Variants in SPIDR observed in about 807,000 individuals in gnomAD.
SPIDR encodes the protein DNA repair-scaffolding protein.
In SPIDR, 93 loss-of-function variants were observed where a neutral mutation model predicts 104.6. The ratio of observed to expected loss-of-function variants is 0.89; its 90% CI spans 0.75 to 1.06. SPIDR has a LOEUF of 1.06. SPIDR is among the 50% of genes least tolerant of loss of function. SPIDR has a pLI of 0.00. For missense variants in SPIDR, 1,154 were observed against 1,111.2 expected, an observed-to-expected ratio of 1.04 and a Z score of -0.55; for synonymous variants, 431 against 416.9, an observed-to-expected ratio of 1.03 and a Z score of -0.41.
intron 10 of SPIDR, among the ~76,000 whole-genome samples, chr8:47,630,898 C>T (rs1284852061): frequency 1.3e-5 from 2 of 152,154 alleles, no homozygotes; most frequent in Admixed American, 6.5e-5. Flanking sequence ...AAAGTAAAAG[C>T]TACAACCATG....
chr8:47,542,840 C>T (rs1190088018), intron 8 of SPIDR, among the ~76,000 whole-genome samples: 4 of 152,170 alleles, frequency 2.6e-5, no homozygotes, highest in Non-Finnish European at 4.4e-5. Context: ...ATACTATTTT[C>T]TTCCACCCTG....
intron 5 of SPIDR, among the ~76,000 whole-genome samples, chr8:47,322,130 A>C (rs993814803): frequency 1.3e-5 from 2 of 152,224 alleles, no homozygotes; most frequent in Admixed American, 6.5e-5. Context: ...CTGCACAGCA[A>C]AAGAAACTAC....
rs2038343611 is a variant in SPIDR, at chr8:47,284,128, T to A, written c.256+34T>A. ...TTTGTTGATTTCTTGACAGAGAAGA[T>A]ATAAGACTAATAAATCCTTCTGTGA... On this transcript the variant is annotated intron_variant, in intron 3 of 19. Transcript: ENST00000297423. 7 of 1,520,238 alleles carry A rather than the reference T, an allele frequency of 4.6e-6. 1 individual carries two copies. The South Asian group carries it at 8.2e-5, about 18-fold the overall frequency. The allele number at this position is 1,520,238 out of a possible 1,614,324, so 94.2% of individuals were successfully genotyped here.
At chr8:47,488,082 G>T (rs1404664974) in intron 8 of SPIDR, among the ~76,000 whole-genome samples, 6 of 152,034 alleles carry the variant, frequency 3.9e-5, no homozygotes, top group Admixed American at 3.3e-4. Flanking sequence ...TTTTTTGAAA[G>T]GATCAACAAA....
At chr8:47,551,575 T>C (rs1472486914) in intron 8 of SPIDR, among the ~76,000 whole-genome samples, 1 of 152,222 alleles carries the variant, frequency 6.6e-6, no homozygotes, top group Non-Finnish European at 1.5e-5. Flanking sequence ...TTTATAGTAT[T>C]CTCTGATGAT....
At chr8:47,608,401 A>G (rs190657967) in intron 10 of SPIDR, among the ~76,000 whole-genome samples, 32 of 152,324 alleles carry the variant, frequency 2.1e-4, no homozygotes, top group African/African-American at 7.7e-4. Context: ...TGCTACTATG[A>G]ATATCTGCAT....
chr8:47,546,946 T>C, intron 8 of SPIDR: 1 of 486,586 alleles, frequency 2.1e-6, no homozygotes, highest in East Asian at 5.2e-5. Flanking sequence ...GGCAAAGCTG[T>C]TCCATTGGCA....
chr8:47,721,643 T>C (rs1420874746), intron 16 of SPIDR, among the ~76,000 whole-genome samples: 1 of 151,966 alleles, frequency 6.6e-6, no homozygotes, highest in African/African-American at 2.4e-5. Flanking sequence ...GGCTAATTTT[T>C]TTTTTGTATT....
chr8:47,302,870 C>T (rs1331066596), intron 5 of SPIDR, among the ~76,000 whole-genome samples: 1 of 152,218 alleles, frequency 6.6e-6, no homozygotes, highest in Non-Finnish European at 1.5e-5. Context: ...GGGGGTCCCT[C>T]CCAGTTAGGC....
At chr8:47,360,295 T>A (rs941531951) in intron 5 of SPIDR, among the ~76,000 whole-genome samples, 3 of 140,870 alleles carry the variant, frequency 2.1e-5, no homozygotes, top group African/African-American at 7.8e-5. Flanking sequence ...TGCCTTTCCC[T>A]GGAGAGAGGC....
intron 8 of SPIDR, among the ~76,000 whole-genome samples, chr8:47,582,220 C>CAAAA (rs5891245): frequency 1.4e-5 from 2 of 142,704 alleles, no homozygotes; most frequent in East Asian, 2.0e-4. Flanking sequence ...GACTCCATCT[C>CAAAA]AAAAAAAAAA....
chr8:47,553,975 G>A (rs957842871), intron 8 of SPIDR, among the ~76,000 whole-genome samples: 2 of 152,158 alleles, frequency 1.3e-5, no homozygotes, highest in East Asian at 1.9e-4. Context: ...CAACAATCAG[G>A]ACCCTCAGCT....
intron 5 of SPIDR, among the ~76,000 whole-genome samples, chr8:47,295,206 A>G (rs1316935967): frequency 6.6e-6 from 1 of 152,112 alleles, no homozygotes; most frequent in Non-Finnish European, 1.5e-5. Flanking sequence ...TATATTTTGA[A>G]CATACAGAGT....
chr8:47,475,941 T>G (rs78223729), intron 8 of SPIDR, among the ~76,000 whole-genome samples: 1 of 152,174 alleles, frequency 6.6e-6, no homozygotes, highest in Non-Finnish European at 1.5e-5. Context: ...ATAAAAGACA[T>G]AGCATTTAAG....
chr8:47,511,382 C>T, intron 8 of SPIDR: 1 of 935,166 alleles, frequency 1.1e-6, no homozygotes, highest in Non-Finnish European at 1.8e-6. Flanking sequence ...TGACCCTCGC[C>T]AGTGAAGGCT....
chr8:47,421,544 C>T (rs1185391732), intron 7 of SPIDR, among the ~76,000 whole-genome samples: 2 of 152,122 alleles, frequency 1.3e-5, no homozygotes, highest in Non-Finnish European at 2.9e-5. Context: ...ACTTCTTTGC[C>T]ATGGGTTTGA....
At chr8:47,456,373 C>A (rs1554709807) in intron 8 of SPIDR, among the ~76,000 whole-genome samples, 1 of 152,162 alleles carries the variant, frequency 6.6e-6, no homozygotes, top group Non-Finnish European at 1.5e-5. Flanking sequence ...CCTCCAGCAT[C>A]CAGAAATGTG....
intron 10 of SPIDR, among the ~76,000 whole-genome samples, chr8:47,599,714 G>C (rs2062034962): frequency 6.6e-6 from 1 of 152,240 alleles, no homozygotes. Flanking sequence ...AAATGTAGTA[G>C]AAGTGATGTT....
At chr8:47,697,937 AGT>A (rs2079590433) in intron 11 of SPIDR, 1 of 152,310 alleles carries the variant, frequency 6.6e-6, no homozygotes, top group Admixed American at 6.5e-5. Flanking sequence ...GGACCTGGTG[AGT>A]AGGACAGCTG....
Sources: gnomAD v4.1 joint callset for allele counts (sites outside exome capture counted in the v4.1 genomes callset) on GRCh38, gnomAD v4.1.1 for gene constraint, MANE v1.5 for transcripts, NCBI Gene and HGNC (gene_info 2026-07-23, HGNC 2026-07-21) for gene names.